FBXL14: variants seen among roughly 807,000 people sequenced by gnomAD.
The protein encoded by FBXL14 is F-box/LRR-repeat protein 14.
FBXL14 carries 11 observed loss-of-function variants against 24.5 expected under a neutral mutation model. The ratio of observed to expected loss-of-function variants is 0.45; its 90% CI spans 0.28 to 0.74. FBXL14 has a LOEUF of 0.74. Among genes scored for constraint, FBXL14 ranks in the 30% least tolerant of loss-of-function variants. The pLI, the probability that FBXL14 is intolerant of heterozygous loss-of-function variation, is 0.12. For synonymous variants in FBXL14, 294 were observed against 240.4 expected (o/e 1.22, Z -2.06); for missense variants, 384 against 545.6 (o/e 0.70, Z 2.95).
chr12:1,577,528 C>G (rs896625047), intron 1 of FBXL14, among the ~76,000 whole-genome samples: 3 of 152,208 alleles, frequency 2.0e-5, no homozygotes, highest in African/African-American at 7.2e-5. Context: ...GTGAAGACTG[C>G]CAGTCAAATA....
chr12:1,592,223 A>T (rs1239446581), intron 1 of FBXL14, among the ~76,000 whole-genome samples: 1 of 147,604 alleles, frequency 6.8e-6, no homozygotes, highest in Non-Finnish European at 1.5e-5. Flanking sequence ...ATATATATAT[A>T]ATATATAGAA....
chr12:1,578,630 C>T (rs992621469), intron 1 of FBXL14, among the ~76,000 whole-genome samples: 1 of 151,980 alleles, frequency 6.6e-6, no homozygotes, highest in Non-Finnish European at 1.5e-5. Context: ...CAGAGCAAGA[C>T]GCCGTCTCTA....
At chr12:1,587,067 G>A (rs1053866321) in intron 1 of FBXL14, among the ~76,000 whole-genome samples, 2 of 151,692 alleles carry the variant, frequency 1.3e-5, no homozygotes, top group African/African-American at 2.4e-5. Flanking sequence ...GAGAAACCCC[G>A]TCTCTACCAA....
chr12:1,576,994 A>G (rs947391286), intron 1 of FBXL14, among the ~76,000 whole-genome samples: 1 of 152,212 alleles, frequency 6.6e-6, no homozygotes, highest in Non-Finnish European at 1.5e-5. Context: ...TAGCATTTTT[A>G]TGGGCTCTTA....
At position 1,566,497 on chromosome 12, in the gene FBXL14, G is replaced by GA. The variant is rs2094436511; in HGVS notation, c.*250dup. ...TAGCAAGTAAAAAGCTGAACAGACT[G>GA]AAAAAGCAAGTCTCCTTGGATCCAT... On this transcript the variant is annotated 3_prime_UTR_variant, in exon 2 of 2. Transcript: ENST00000339235. The GA allele has an allele frequency of 2.4e-6, 1 of 416,146 alleles. No homozygotes were observed. The highest frequency in any genetic ancestry group is 2.0e-5 in the African/African-American group (1 of 49,316). The allele number at this position is 416,146 out of a possible 1,614,324, so 25.8% of individuals were successfully genotyped here.
At chr12:1,585,123 G>C (rs537240561) in intron 1 of FBXL14, among the ~76,000 whole-genome samples, 2 of 152,336 alleles carry the variant, frequency 1.3e-5, no homozygotes, top group South Asian at 4.1e-4. Flanking sequence ...GTGTGGCCGG[G>C]CGCGGTGGCT....
intron 1 of FBXL14, among the ~76,000 whole-genome samples, chr12:1,568,837 G>A (rs2094440534): frequency 6.6e-6 from 1 of 152,126 alleles, no homozygotes; most frequent in African/African-American, 2.4e-5. Context: ...CTCCAGCCTG[G>A]GTGACAGAGA....
At chr12:1,582,630 A>G (rs2094468941) in intron 1 of FBXL14, among the ~76,000 whole-genome samples, 1 of 152,140 alleles carries the variant, frequency 6.6e-6, no homozygotes, top group Non-Finnish European at 1.5e-5. Context: ...GAATGAATGT[A>G]ATTTGCCTTA....
chr12:1,577,881 C>T (rs531357094), intron 1 of FBXL14, among the ~76,000 whole-genome samples: 44 of 152,310 alleles, frequency 2.9e-4, no homozygotes, highest in African/African-American at 1.1e-3. Flanking sequence ...GGTAGACACG[C>T]TCTTGGATAT....
intron 1 of FBXL14, among the ~76,000 whole-genome samples, chr12:1,580,943 A>G (rs2094465051): frequency 6.6e-6 from 1 of 152,186 alleles, no homozygotes; most frequent in African/African-American, 2.4e-5. Context: ...ACAGGCTTGA[A>G]CAATGGCACA....
chr12:1,569,208 G>C lies in FBXL14; in HGVS notation c.1195-2398C>G, dbSNP rs1371686565. Among the ~76,000 whole-genome samples, 1 of 151,710 alleles carries C rather than the reference G, an allele frequency of 6.6e-6. No individual in the cohort carries two copies. Among genetic ancestry groups the C allele is most frequent in the Non-Finnish European group, 1.5e-5 (1 of 67,972 alleles). ...TTCTCCTTTTCATTTTCCTTTCCAG[G>C]TTGAGGAAAGGTAGTGGTTGTTTGT... On this transcript the variant is annotated intron_variant, in intron 1 of 1. Coordinates refer to ENST00000339235, the MANE Select transcript of FBXL14 (RefSeq NM_152441.3). The surrounding 1 kb of genome is among the most constrained non-coding windows in gnomAD (Gnocchi z 4.2).
At chr12:1,592,293 C>T (rs2094492253) in intron 1 of FBXL14, among the ~76,000 whole-genome samples, 1 of 149,084 alleles carries the variant, frequency 6.7e-6, no homozygotes, top group Admixed American at 6.7e-5. Flanking sequence ...AATTTTTAAA[C>T]AGGAAAGAAG....
intron 1 of FBXL14, among the ~76,000 whole-genome samples, chr12:1,583,542 C>G (rs1019977303): frequency 2.0e-5 from 3 of 152,172 alleles, no homozygotes; most frequent in Admixed American, 6.5e-5. Context: ...TCAACTCTTA[C>G]GCCTGGAGGA....
At chr12:1,582,196 GGAA>G (rs968772134) in intron 1 of FBXL14, among the ~76,000 whole-genome samples, 3 of 147,592 alleles carry the variant, frequency 2.0e-5, no homozygotes, top group Non-Finnish European at 4.5e-5. Flanking sequence ...AGGAAGAAAA[GGAA>G]GAAAGAAAGA....
chr12:1,586,608 G>C (rs570723996), intron 1 of FBXL14, among the ~76,000 whole-genome samples: 100 of 152,270 alleles, frequency 6.6e-4, no homozygotes, highest in African/African-American at 2.3e-3. Context: ...GTCTAGAGCA[G>C]CCCAGGTTCT....
chr12:1,583,556 A>C (rs1219701779), intron 1 of FBXL14, among the ~76,000 whole-genome samples: 1 of 152,214 alleles, frequency 6.6e-6, no homozygotes, highest in African/African-American at 2.4e-5. Flanking sequence ...TGGAGGAAAT[A>C]CTTTGCGGGT....
rs1349447711 is a variant in FBXL14, at chr12:1,567,140, C to G, written c.1195-330G>C. Among the ~76,000 whole-genome samples the G allele has an allele frequency of 1.3e-5, 2 of 152,080 alleles. No homozygotes were observed. The highest frequency in any genetic ancestry group is 2.9e-5 in the Non-Finnish European group (2 of 68,012). Reference sequence around the variant, plus strand: ...AGCTGCCTTTACCCGGTCACAGCCACTATCAAGAAAAAGATATAAGACATA... The same window carrying G: ...AGCTGCCTTTACCCGGTCACAGCCAGTATCAAGAAAAAGATATAAGACATA... On this transcript the variant is annotated intron_variant, in intron 1 of 1. Transcript: ENST00000339235. The surrounding 1 kb of genome is among the most constrained non-coding windows in gnomAD (Gnocchi z 4.8).
intron 1 of FBXL14, among the ~76,000 whole-genome samples, chr12:1,582,362 TC>T (rs1301609738): frequency 6.6e-6 from 1 of 152,182 alleles, no homozygotes; most frequent in Non-Finnish European, 1.5e-5. Context: ...CTGCTGGTCC[TC>T]AGCGTTCACA....
At chr12:1,578,935 C>T (rs1180559209) in intron 1 of FBXL14, among the ~76,000 whole-genome samples, 4 of 152,004 alleles carry the variant, frequency 2.6e-5, no homozygotes, top group Non-Finnish European at 5.9e-5. Context: ...TAGAGGTGCT[C>T]GTCTTCATGT....
Sources: gnomAD v4.1 joint callset for allele counts (sites outside exome capture counted in the v4.1 genomes callset) on GRCh38, gnomAD v4.1.1 for gene constraint, Gnocchi (gnomAD v3.1) non-coding constraint, MANE v1.5 for transcripts, NCBI Gene and HGNC (gene_info 2026-07-23, HGNC 2026-07-21) for gene names.